SGCZ: variants seen among roughly 807,000 people sequenced by gnomAD.
SGCZ encodes the protein zeta-sarcoglycan.
Under a neutral mutation model 41.3 loss-of-function variants are expected in SGCZ, and 40 were observed. The observed-to-expected ratio is 0.97, with a 90% CI of 0.75 to 1.26. The LOEUF (loss-of-function observed/expected upper bound fraction) is 1.26. Ranked by LOEUF, SGCZ falls within the 50% of genes most tolerant of loss-of-function variation. The pLI is 0.00. For synonymous variants in SGCZ, 206 were observed against 137.5 expected, an observed-to-expected ratio of 1.50 and a Z score of -3.49; for missense variants, 552 against 369.8, an observed-to-expected ratio of 1.49 and a Z score of -4.04.
chr8:14,281,337 A>T (rs936821280), intron 3 of SGCZ, among the ~76,000 whole-genome samples: 3 of 151,956 alleles, frequency 2.0e-5, no homozygotes, highest in Non-Finnish European at 2.9e-5. Context: ...ATACATACTT[A>T]AAAAATATCT....
At chr8:14,319,256 T>A (rs572730524) in intron 3 of SGCZ, among the ~76,000 whole-genome samples, 1 of 151,956 alleles carries the variant, frequency 6.6e-6, no homozygotes, top group East Asian at 1.9e-4. Flanking sequence ...AGAACATTCA[T>A]GTCATCAAAA....
At position 14,099,288 on chromosome 8, in the gene SGCZ, C is replaced by G. The variant is rs146825526; in HGVS notation, c.744+3088G>C. ...GGCTCTTCAATATTGTCTTATAAAC[C>G]ATATAATCCACTGGTTCTGAAACTC... On this transcript the variant is annotated intron_variant, in intron 7 of 7. Transcript: ENST00000382080. Among the ~76,000 whole-genome samples the G allele has an allele frequency of 8.3e-3, 1,268 of 152,216 alleles. 15 individuals carry two copies. Among genetic ancestry groups the G allele is most frequent in the African/African-American group, 0.029 (1,208 of 41,530 alleles).
rs572542827 is a variant in SGCZ at position 14,105,596 on chromosome 8, TTACTC to T, written c.620+2562_620+2566del. Among the ~76,000 whole-genome samples, 38 of 152,208 alleles carry T rather than the reference TTACTC, an allele frequency of 2.5e-4. No individual in the cohort carries two copies. In the East Asian group the frequency reaches 7.3e-3, roughly 29 times the overall value. ...AATAAATAATTGAATACCTACATAA[TTACTC>T]TACTTTTCTTCTGTTTCAGTTTGGA... On this transcript the variant is annotated intron_variant, in intron 6 of 7. Coordinates refer to ENST00000382080, the MANE Select transcript of SGCZ (RefSeq NM_139167.4).
At chr8:14,568,912 G>A (rs1049036790) in intron 1 of SGCZ, among the ~76,000 whole-genome samples, 3 of 152,090 alleles carry the variant, frequency 2.0e-5, no homozygotes, top group Non-Finnish European at 4.4e-5. Flanking sequence ...AACATATTCA[G>A]GGGCATGGTG....
chr8:14,864,536 T>A (rs1440088589), intron 1 of SGCZ, among the ~76,000 whole-genome samples: 1 of 152,182 alleles, frequency 6.6e-6, no homozygotes, highest in African/African-American at 2.4e-5. Flanking sequence ...TAGAATCTTG[T>A]GTCCCGGTGA....
intron 1 of SGCZ, among the ~76,000 whole-genome samples, chr8:14,692,771 AG>A (rs1808839967): frequency 6.6e-6 from 1 of 152,232 alleles, no homozygotes; most frequent in Non-Finnish European, 1.5e-5. Context: ...TATCTTTCGG[AG>A]TTCAGAGTTA....
chr8:14,406,591 G>T (rs1202977907), intron 2 of SGCZ, among the ~76,000 whole-genome samples: 1 of 152,092 alleles, frequency 6.6e-6, no homozygotes, highest in African/African-American at 2.4e-5. Context: ...CCCAGGTGGG[G>T]CTCGGGCACT....
chr8:14,097,892 C>G (rs1020727857), intron 7 of SGCZ, among the ~76,000 whole-genome samples: 34 of 152,128 alleles, frequency 2.2e-4, no homozygotes, highest in African/African-American at 8.0e-4. Flanking sequence ...TCTGTTTTAT[C>G]AGAGACTAGG....
chr8:14,136,576 G>T (rs574274845), intron 5 of SGCZ, among the ~76,000 whole-genome samples: 304 of 152,290 alleles, frequency 2.0e-3, no homozygotes, highest in Non-Finnish European at 3.4e-3. Flanking sequence ...ATCAAACTGC[G>T]AGGTGGCAGC....
At chr8:15,200,063 T>C (rs1800845594) in intron 1 of SGCZ, among the ~76,000 whole-genome samples, 1 of 152,196 alleles carries the variant, frequency 6.6e-6, no homozygotes, top group Non-Finnish European at 1.5e-5. Flanking sequence ...ACGAATTTTG[T>C]TTAGGAAAAT....
rs796413165 is a variant in SGCZ at position 14,676,976 on chromosome 8, GA to G, written c.40-122051del. Among the ~76,000 whole-genome samples the G allele has an allele frequency of 2.0e-4, 30 of 150,676 alleles. 1 individual carries two copies. The highest frequency in any genetic ancestry group is 4.4e-4 in the African/African-American group (18 of 41,090). ...AAATTCTAGTTAATGCAATAAGAAAGAAAAAAATAAACAAGGATATAAAGAT... is the reference window on the plus strand; with the variant it reads ...AAATTCTAGTTAATGCAATAAGAAAGAAAAAATAAACAAGGATATAAAGAT... On this transcript the variant is annotated intron_variant, in intron 1 of 7. Coordinates refer to ENST00000382080, the MANE Select transcript of SGCZ (RefSeq NM_139167.4).
At chr8:15,134,973 T>C (rs979237659) in intron 1 of SGCZ, among the ~76,000 whole-genome samples, 3 of 152,208 alleles carry the variant, frequency 2.0e-5, no homozygotes, top group African/African-American at 4.8e-5. Flanking sequence ...GTGGTTACTC[T>C]AAGCGTTAGC....
intron 2 of SGCZ, among the ~76,000 whole-genome samples, chr8:14,551,484 ATATATT>A (rs1563404224): frequency 0.13 from 578 of 4,610 alleles, 31 homozygotes; most frequent in Admixed American, 0.24. Context: ...TATATATTAT[ATATATT>A]ATATATATTA....
At chr8:14,857,745 A>G (rs1316589367) in intron 1 of SGCZ, among the ~76,000 whole-genome samples, 2 of 152,144 alleles carry the variant, frequency 1.3e-5, no homozygotes, top group African/African-American at 4.8e-5. Context: ...AAGTGCCTGT[A>G]ATCCCACCTA....
chr8:14,926,759 G>C (rs1019499489), intron 1 of SGCZ, among the ~76,000 whole-genome samples: 2 of 151,842 alleles, frequency 1.3e-5, no homozygotes, highest in African/African-American at 4.8e-5. Context: ...TCCTGCCTCA[G>C]CCTCCCAAGT....
intron 1 of SGCZ, among the ~76,000 whole-genome samples, chr8:15,118,463 T>A (rs546501426): frequency 6.6e-6 from 1 of 152,100 alleles, no homozygotes; most frequent in Admixed American, 6.6e-5. Context: ...AAGCTTCTGG[T>A]TGGAAGGTCT....
At chr8:14,598,210 G>C (rs1032309041) in intron 1 of SGCZ, among the ~76,000 whole-genome samples, 1 of 151,958 alleles carries the variant, frequency 6.6e-6, no homozygotes. Flanking sequence ...TTCATTTCAA[G>C]TGGGGCATTT....
intron 2 of SGCZ, among the ~76,000 whole-genome samples, chr8:14,489,466 T>C (rs751372150): frequency 2.0e-5 from 3 of 152,110 alleles, no homozygotes; most frequent in Non-Finnish European, 2.9e-5. Flanking sequence ...CATTTGTACA[T>C]GTAAATTAAT....
At chr8:14,619,071 T>A (rs1345262959) in intron 1 of SGCZ, among the ~76,000 whole-genome samples, 3 of 152,146 alleles carry the variant, frequency 2.0e-5, no homozygotes, top group African/African-American at 7.2e-5. Context: ...TTCACACCGT[T>A]ATAAAGAACT....
Sources: gnomAD v4.1 joint callset for allele counts (sites outside exome capture counted in the v4.1 genomes callset) on GRCh38, gnomAD v4.1.1 for gene constraint, MANE v1.5 for transcripts, NCBI Gene and HGNC (gene_info 2026-07-23, HGNC 2026-07-21) for gene names.